Variants in ENPEP observed in about 807,000 individuals in gnomAD.
ENPEP encodes glutamyl aminopeptidase.
Under a neutral mutation model 114.5 loss-of-function variants are expected in ENPEP, and 103 were observed. The observed-to-expected ratio is 0.90, with a 90% CI of 0.77 to 1.06. The LOEUF (loss-of-function observed/expected upper bound fraction) is 1.06. Ranked by LOEUF, ENPEP falls within the 50% of genes least tolerant of loss-of-function variation. The pLI, the probability that ENPEP is intolerant of heterozygous loss-of-function variation, is 0.00. For synonymous variants in ENPEP, 420 were observed against 422.0 expected, an observed-to-expected ratio of 1.00 and a Z score of 0.06; for missense variants, 1,196 against 1,161.3, an observed-to-expected ratio of 1.03 and a Z score of -0.43.
Position 110,476,715 on chromosome 4 carries a change from C to T in ENPEP, c.301C>T (p.His101Tyr), listed in dbSNP as rs1560548080. The T allele has an allele frequency of 1.9e-6, 3 of 1,613,988 alleles. No individual in the cohort carries two copies. The highest frequency in any genetic ancestry group is 4.5e-5 in the East Asian group (2 of 44,870). Residue 101 changes from histidine (H) to tyrosine (Y), a missense_variant, in exon 1 of 20, where the codon CAC becomes TAC. Physicochemically the swap from His to Tyr is moderately conservative, Grantham distance 83. Coordinates refer to ENST00000265162, the MANE Select transcript of ENPEP (RefSeq NM_001977.4). ...ACTGCCGGACTTCGTCAACCCAGTC[C>T]ACTACGACCTGCACGTGAAGCCCCT... ...FRLPDFVNPV[H>Y]YDLHVKPLLE...
At chr4:110,531,418 C>G in intron 11 of ENPEP, 141 bp downstream of exon 11, 2 of 591,588 alleles carry the variant, frequency 3.4e-6, no homozygotes, top group Non-Finnish European at 5.0e-6. Flanking sequence ...TTGATGATTC[C>G]AAATCTTCAT....
At chr4:110,539,289 A>G (rs1466830495) in intron 11 of ENPEP, among the ~76,000 whole-genome samples, 6 of 152,170 alleles carry the variant, frequency 3.9e-5, no homozygotes, top group Admixed American at 2.6e-4. Flanking sequence ...TCTCTAGGCC[A>G]CTTGCTGAGA....
intron 13 of ENPEP, among the ~76,000 whole-genome samples, chr4:110,543,762 C>G (rs6846106): frequency 0.034 from 5,124 of 151,774 alleles, 296 homozygotes; most frequent in African/African-American, 0.12. Flanking sequence ...GCTTTGTAGT[C>G]GCCTCATTCT....
chr4:110,479,732 C>T (rs1172550887), intron 1 of ENPEP, among the ~76,000 whole-genome samples: 5 of 152,016 alleles, frequency 3.3e-5, no homozygotes, highest in South Asian at 2.1e-4. Flanking sequence ...GAAGTGAAAG[C>T]GAGTCAAGAC....
intron 3 of ENPEP, among the ~76,000 whole-genome samples, chr4:110,505,873 G>A (rs1351390683): frequency 6.6e-6 from 1 of 152,200 alleles, no homozygotes; most frequent in Non-Finnish European, 1.5e-5. Flanking sequence ...ACGACACTAT[G>A]TTGAAGAGGA....
intron 3 of ENPEP, among the ~76,000 whole-genome samples, chr4:110,498,423 T>C (rs1288425628): frequency 2.6e-5 from 4 of 152,124 alleles, no homozygotes; most frequent in African/African-American, 9.7e-5. Context: ...CAGGCTGCTG[T>C]CAATAAGTAG....
intron 13 of ENPEP, among the ~76,000 whole-genome samples, chr4:110,547,938 A>G (rs192704745): frequency 6.6e-6 from 1 of 151,980 alleles, no homozygotes; most frequent in Admixed American, 6.6e-5. Flanking sequence ...TGTACATCTT[A>G]ATGCCTTTCT....
In ENPEP at chr4:110,492,745, C is replaced by T. The variant is rs145127373; in HGVS notation, c.918+1581C>T. On this transcript the variant is annotated intron_variant, in intron 3 of 19. Coordinates refer to ENST00000265162, the MANE Select transcript of ENPEP (RefSeq NM_001977.4). ...TTTTCTAGATTGTGCTGAGTGCAGT[C>T]GATGGCATTCCTCTTGCTTAATATA... Among the ~76,000 whole-genome samples the T allele has an allele frequency of 5.9e-5, 9 of 152,218 alleles. No individual in the cohort carries two copies. The East Asian group carries it at 1.5e-3, about 26-fold the overall frequency.
chr4:110,524,684 A>G (rs1340492453), intron 10 of ENPEP, among the ~76,000 whole-genome samples: 2 of 152,224 alleles, frequency 1.3e-5, no homozygotes, highest in Non-Finnish European at 1.5e-5. Flanking sequence ...ATGGCTACTG[A>G]GTTAAGATTT....
In ENPEP at chr4:110,549,865, A is replaced by G. The variant is rs1191878868; in HGVS notation, c.2480A>G (p.Lys827Arg). Residue 827 changes from lysine (K) to arginine (R), a missense_variant, in exon 17 of 20, where the codon AAG (lysine) becomes AGG (arginine). Physicochemically the swap from Lys to Arg is conservative, Grantham distance 26. Transcript: ENST00000265162. ...CTGCTGTATGGATTAGCATCAGTGA[A>G]GAACGTTACTCTTTTGTCAAGGTAA... is the stretch of plus-strand genomic sequence containing the variant. ...EKLLYGLASV[K>R]NVTLLSRYLD... The G allele has an allele frequency of 5.0e-6, 8 of 1,610,926 alleles. No homozygotes were observed. Among genetic ancestry groups the G allele is most frequent in the East Asian group, 2.2e-5 (1 of 44,826 alleles).
At chr4:110,546,816 G>A (rs1727086680) in intron 13 of ENPEP, among the ~76,000 whole-genome samples, 1 of 152,046 alleles carries the variant, frequency 6.6e-6, no homozygotes, top group Non-Finnish European at 1.5e-5. Context: ...TTAGTTAATT[G>A]CAAAATGACT....
At chr4:110,548,716 G>T (rs1316188358) in intron 14 of ENPEP, among the ~76,000 whole-genome samples, 1 of 151,794 alleles carries the variant, frequency 6.6e-6, no homozygotes, top group Non-Finnish European at 1.5e-5. Flanking sequence ...TCTTACTGCT[G>T]GTATTTCCAC....
At chr4:110,514,995 G>A (rs1725708490) in intron 7 of ENPEP, among the ~76,000 whole-genome samples, 1 of 152,004 alleles carries the variant, frequency 6.6e-6, no homozygotes, top group East Asian at 1.9e-4. Flanking sequence ...TATTTAATAA[G>A]TTGGCAGAAT....
intron 3 of ENPEP, among the ~76,000 whole-genome samples, chr4:110,501,403 C>T (rs577971504): frequency 3.5e-4 from 53 of 152,064 alleles, no homozygotes; most frequent in African/African-American, 1.1e-3. Context: ...GCATAGTGCC[C>T]GATAGGTGGT....
chr4:110,521,384 A>T (rs1385971943), intron 10 of ENPEP, among the ~76,000 whole-genome samples: 1 of 151,696 alleles, frequency 6.6e-6, no homozygotes, highest in Non-Finnish European at 1.5e-5. Flanking sequence ...ATCCCTAAAA[A>T]TAATAAAATA....
At chr4:110,514,427 C>T (rs1410400710) in intron 7 of ENPEP, among the ~76,000 whole-genome samples, 1 of 151,908 alleles carries the variant, frequency 6.6e-6, no homozygotes, top group Non-Finnish European at 1.5e-5. Flanking sequence ...TATGTTCAGC[C>T]TTCTTGTATT....
intron 1 of ENPEP, among the ~76,000 whole-genome samples, chr4:110,486,799 G>T (rs1560551040): frequency 6.6e-6 from 1 of 152,180 alleles, no homozygotes; most frequent in Non-Finnish European, 1.5e-5. Flanking sequence ...TATCAAGATG[G>T]GGGGAATTGA....
rs546448933 is a variant in ENPEP, at chr4:110,483,094, A to C, written c.645-5447A>C. On this transcript the variant is annotated intron_variant, in intron 1 of 19. Coordinates refer to ENST00000265162, the MANE Select transcript of ENPEP (RefSeq NM_001977.4). ...AGTAAATTTCTTTTATTTTGGAAGC[A>C]AGAAAACAAAAAGAAATTTTACTTG... Among the ~76,000 whole-genome samples, 7 of 152,332 alleles carry C rather than the reference A, an allele frequency of 4.6e-5. No individual in the cohort carries two copies. In the South Asian group the frequency reaches 1.5e-3, roughly 32 times the overall value.
chr4:110,514,129 A>G (rs1249129348), intron 7 of ENPEP, among the ~76,000 whole-genome samples: 1 of 152,116 alleles, frequency 6.6e-6, no homozygotes, highest in Non-Finnish European at 1.5e-5. Context: ...AATATTTCAT[A>G]TAGTCTCTCC....
Sources: gnomAD v4.1 joint callset for allele counts (sites outside exome capture counted in the v4.1 genomes callset) on GRCh38, gnomAD v4.1.1 for gene constraint, MANE v1.5 for transcripts, NCBI Gene and HGNC (gene_info 2026-07-23, HGNC 2026-07-21) for gene names.